The following COL4A2 variants were observed in gnomAD, a reference collection of about 807,000 sequenced individuals.
COL4A2 encodes collagen type IV alpha 2 chain.
COL4A2 carries 99 observed loss-of-function variants against 200.2 expected under a neutral mutation model. The observed-to-expected ratio is 0.49, with a 90% confidence interval of 0.42 to 0.58. The LOEUF (loss-of-function observed/expected upper bound fraction) is 0.58, where lower values mean the gene tolerates loss of function less well. Ranked by LOEUF, COL4A2 falls within the 20% of genes least tolerant of loss-of-function variation. The pLI is 0.00. For missense variants in COL4A2, 1,950 were observed against 2,314.1 expected, an observed-to-expected ratio of 0.84 and a Z score of 3.23; for synonymous variants, 897 against 900.6, an observed-to-expected ratio of 1.00 and a Z score of 0.07.
chr13:110,476,221 C>G (rs867848673), intron 29 of COL4A2, among the ~76,000 whole-genome samples: 6 of 152,050 alleles, frequency 3.9e-5, no homozygotes, highest in African/African-American at 1.4e-4. Flanking sequence ...GACCTGCCAT[C>G]GCTGCGAATC....
At chr13:110,419,957 C>T (rs1880184580) in intron 4 of COL4A2, among the ~76,000 whole-genome samples, 1 of 152,200 alleles carries the variant, frequency 6.6e-6, no homozygotes, top group Non-Finnish European at 1.5e-5. Flanking sequence ...TATTGAAAGT[C>T]ACCTATCTCT....
At chr13:110,322,815 G>A (rs1435202812) in intron 3 of COL4A2, among the ~76,000 whole-genome samples, 1 of 152,194 alleles carries the variant, frequency 6.6e-6, no homozygotes, top group Non-Finnish European at 1.5e-5. Flanking sequence ...ATAGATGCTG[G>A]AGTAATTTTA....
At chr13:110,372,770 C>A (rs1878073052) in intron 4 of COL4A2, among the ~76,000 whole-genome samples, 1 of 152,186 alleles carries the variant, frequency 6.6e-6, no homozygotes, top group Admixed American at 6.5e-5. Context: ...ATGAAATAAT[C>A]ATTAGTAGCT....
intron 16 of COL4A2, among the ~76,000 whole-genome samples, chr13:110,442,933 G>A (rs537491325): frequency 7.4e-5 from 11 of 148,034 alleles, no homozygotes; most frequent in African/African-American, 2.0e-4. Context: ...ACCAACACGC[G>A]TCGTGTTGTG....
chr13:110,317,701 G>A (rs1466128830), intron 3 of COL4A2, among the ~76,000 whole-genome samples: 8 of 152,190 alleles, frequency 5.3e-5, no homozygotes, highest in Non-Finnish European at 1.2e-4. Flanking sequence ...CCCCCAACCG[G>A]CCCTCTCCAA....
At chr13:110,466,267 A>G (rs1882237632) in intron 26 of COL4A2, among the ~76,000 whole-genome samples, 1 of 152,170 alleles carries the variant, frequency 6.6e-6, no homozygotes, top group African/African-American at 2.4e-5. Context: ...CATTTAACCA[A>G]ACCCCTCTTG....
intron 3 of COL4A2, among the ~76,000 whole-genome samples, chr13:110,324,387 G>T (rs1296053721): frequency 6.6e-6 from 1 of 152,194 alleles, no homozygotes; most frequent in Non-Finnish European, 1.5e-5. Context: ...TGTCCTGCTG[G>T]GCTCTTGATA....
chr13:110,353,774 T>C (rs1343157959), intron 3 of COL4A2, among the ~76,000 whole-genome samples: 1 of 152,208 alleles, frequency 6.6e-6, no homozygotes, highest in Non-Finnish European at 1.5e-5. Flanking sequence ...GGAACACACA[T>C]ACACACATGC....
intron 3 of COL4A2, 37 bp from the exon 4 acceptor site, chr13:110,357,435 A>G (rs771113958): frequency 1.3e-6 from 2 of 1,559,536 alleles, no homozygotes; most frequent in East Asian, 4.8e-5. Context: ...GGCAATGTTT[A>G]GGTAACTTTT....
intron 4 of COL4A2, among the ~76,000 whole-genome samples, chr13:110,396,822 TACAA>T: frequency 6.6e-6 from 1 of 152,360 alleles, no homozygotes; most frequent in South Asian, 2.1e-4. Flanking sequence ...ATTTCTTTCT[TACAA>T]ACAGCAAATT....
chr13:110,494,399 C>T (rs1018761038), intron 39 of COL4A2, among the ~76,000 whole-genome samples: 13 of 152,198 alleles, frequency 8.5e-5, no homozygotes, highest in Non-Finnish European at 1.6e-4. Context: ...ATTTTAATGT[C>T]CTTGTCTTTT....
intron 40 of COL4A2, among the ~76,000 whole-genome samples, chr13:110,500,065 G>C (rs1019676580): frequency 1.3e-5 from 2 of 152,156 alleles, no homozygotes; most frequent in Admixed American, 6.5e-5. Context: ...TATTTATCCT[G>C]CTGTTTGTTT....
chr13:110,492,877 G>A (rs1177721913), intron 38 of COL4A2, among the ~76,000 whole-genome samples: 1 of 152,200 alleles, frequency 6.6e-6, no homozygotes. Flanking sequence ...TGTAAGTTGA[G>A]CGTGTGGCTT....
chr13:110,430,573 G>C lies in COL4A2; in HGVS notation c.614G>C (p.Gly205Ala). Residue 205 changes from glycine to alanine, a missense_variant, in exon 10 of 48, where the codon GGA (glycine) becomes GCA (alanine). Around this residue, in one of 2 missense-constraint regions of COL4A2, gnomAD observed 565 missense variants for 593.5 expected, o/e 0.95. Coordinates refer to ENST00000360467, the MANE Select transcript of COL4A2 (RefSeq NM_001846.4). ...QGPPGRPGHV[G>A]QMGPVGAPGR... ...CCTCCCGGCCGCCCTGGGCATGTGG[G>C]ACAGATGGGTCCAGTTGGAGCTCCA... is the stretch of plus-strand genomic sequence containing the variant. The C allele has an allele frequency of 6.2e-7, 1 of 1,614,182 alleles. No homozygotes were observed. Among genetic ancestry groups the C allele is most frequent in the Non-Finnish European group, 8.5e-7 (1 of 1,180,036 alleles).
intron 40 of COL4A2, among the ~76,000 whole-genome samples, chr13:110,498,114 C>G (rs1883523962): frequency 1.3e-5 from 2 of 152,250 alleles, no homozygotes; most frequent in Non-Finnish European, 2.9e-5. Context: ...TGTTCTGCGT[C>G]TCACGTGCAC....
intron 31 of COL4A2, among the ~76,000 whole-genome samples, chr13:110,481,669 GT>G (rs1188797430): frequency 2.2e-3 from 123 of 56,832 alleles, no homozygotes; most frequent in Non-Finnish European, 3.1e-3. Flanking sequence ...GAGACACACA[GT>G]TCTGTCCTTC....
intron 3 of COL4A2, among the ~76,000 whole-genome samples, chr13:110,332,898 C>T (rs1034670603): frequency 5.3e-5 from 8 of 152,304 alleles, no homozygotes; most frequent in African/African-American, 9.6e-5. Flanking sequence ...TCTGAACACA[C>T]GGTGCTATTT....
chr13:110,449,579 T>G, intron 18 of COL4A2, 100 bp from the exon 19 acceptor site: 2 of 1,149,754 alleles, frequency 1.7e-6, no homozygotes, highest in Non-Finnish European at 2.4e-6. Flanking sequence ...ATACAGCATA[T>G]GGAGCATTTG....
intron 4 of COL4A2, among the ~76,000 whole-genome samples, chr13:110,420,764 C>A (rs1880217870): frequency 6.6e-6 from 1 of 152,198 alleles, no homozygotes; most frequent in African/African-American, 2.4e-5. Context: ...TTTATAGATG[C>A]ACCACACTTC....
Sources: gnomAD v4.1 joint callset for allele counts (sites outside exome capture counted in the v4.1 genomes callset) on GRCh38, gnomAD v4.1.1 for gene constraint, gnomAD v4.1.1 regional missense constraint, MANE v1.5 for transcripts, NCBI Gene and HGNC (gene_info 2026-07-23, HGNC 2026-07-21) for gene names.